The following CA8 variants were observed in gnomAD, a reference collection of about 807,000 sequenced individuals.
CA8 encodes carbonic anhydrase-related protein.
CA8 carries 22 observed loss-of-function variants against 41.4 expected under a neutral mutation model. The observed-to-expected ratio is 0.53, with a 90% CI of 0.38 to 0.76. CA8 has a LOEUF of 0.76. CA8 is among the 30% of genes least tolerant of loss of function. The pLI is 0.00. For missense variants in CA8, 270 were observed against 352.8 expected (o/e 0.77, Z 1.88); for synonymous variants, 121 against 130.6 (o/e 0.93, Z 0.50).
At chr8:60,201,382 G>T (rs1017576472) in intron 8 of CA8, among the ~76,000 whole-genome samples, 7 of 152,132 alleles carry the variant, frequency 4.6e-5, no homozygotes, top group Admixed American at 2.6e-4. Flanking sequence ...GAACCATGAG[G>T]ACTCCAACAT....
intron 7 of CA8, among the ~76,000 whole-genome samples, chr8:60,213,617 T>G (rs1319906326): frequency 2.6e-5 from 4 of 152,188 alleles, no homozygotes; most frequent in Non-Finnish European, 5.9e-5. Context: ...GAATACACAC[T>G]GCAAGGCAAA....
intron 8 of CA8, 30 bp downstream of exon 8, chr8:60,208,720 C>T: frequency 6.3e-6 from 10 of 1,593,406 alleles, no homozygotes; most frequent in Middle Eastern, 1.7e-4. Flanking sequence ...TAGCTGTGCA[C>T]CTCATTTTCC....
intron 3 of CA8, among the ~76,000 whole-genome samples, chr8:60,252,828 C>T (rs1007058987): frequency 1.1e-4 from 14 of 122,244 alleles, no homozygotes; most frequent in African/African-American, 6.1e-4. Flanking sequence ...TACAAATATT[C>T]CAAACTGTGA....
intron 8 of CA8, among the ~76,000 whole-genome samples, chr8:60,196,605 A>G (rs1198684664): frequency 6.6e-6 from 1 of 152,184 alleles, no homozygotes; most frequent in Non-Finnish European, 1.5e-5. Flanking sequence ...AAGATTCAAT[A>G]TTGTAAGGTA....
At chr8:60,193,308 A>G (rs1170021580) in intron 8 of CA8, among the ~76,000 whole-genome samples, 1 of 152,142 alleles carries the variant, frequency 6.6e-6, no homozygotes, top group Non-Finnish European at 1.5e-5. Context: ...AAGCTCATCT[A>G]GAACCTTCTC....
At chr8:60,262,579 G>A (rs1803768423) in intron 3 of CA8, among the ~76,000 whole-genome samples, 1 of 152,214 alleles carries the variant, frequency 6.6e-6, no homozygotes, top group Non-Finnish European at 1.5e-5. Context: ...GGTGCTGGGT[G>A]CAGTGGCACA....
At chr8:60,238,151 CA>C in intron 3 of CA8, among the ~76,000 whole-genome samples, 1 of 152,216 alleles carries the variant, frequency 6.6e-6, no homozygotes, top group South Asian at 2.1e-4. Context: ...TAAATTTGTC[CA>C]AAGTTAAGAA....
intron 8 of CA8, among the ~76,000 whole-genome samples, chr8:60,205,826 A>G (rs1034084795): frequency 2.0e-5 from 3 of 152,210 alleles, no homozygotes; most frequent in African/African-American, 7.2e-5. Context: ...GCTAAAATAT[A>G]TCTGAATTAT....
intron 8 of CA8, among the ~76,000 whole-genome samples, chr8:60,196,954 C>A (rs1387401388): frequency 6.6e-6 from 1 of 152,056 alleles, no homozygotes; most frequent in Non-Finnish European, 1.5e-5. Context: ...CAAGTATTTA[C>A]AGGACATGAT....
chr8:60,279,619 A>G, intron 2 of CA8, 70 bp downstream of exon 2: 1 of 1,308,726 alleles, frequency 7.6e-7, no homozygotes, highest in Non-Finnish European at 1.1e-6. Flanking sequence ...TGTGCAAGTT[A>G]AATCACAGTT....
intron 3 of CA8, among the ~76,000 whole-genome samples, chr8:60,261,903 G>A (rs1293834914): frequency 6.6e-6 from 1 of 152,044 alleles, no homozygotes; most frequent in Non-Finnish European, 1.5e-5. Context: ...GTAGAGACGG[G>A]GTTCCACCAT....
intron 2 of CA8, among the ~76,000 whole-genome samples, chr8:60,277,955 T>A (rs1804293572): frequency 6.6e-6 from 1 of 152,108 alleles, no homozygotes; most frequent in Admixed American, 6.5e-5. Context: ...AGTATCCAAA[T>A]CAGGCCTAGA....
intron 2 of CA8, among the ~76,000 whole-genome samples, chr8:60,277,370 T>G (rs78707470): frequency 6.6e-6 from 1 of 151,796 alleles, no homozygotes; most frequent in Non-Finnish European, 1.5e-5. Context: ...TTTTTTTTTT[T>G]GAGACGGAGT....
chr8:60,277,826 C>A (rs1053989629), intron 2 of CA8, among the ~76,000 whole-genome samples: 12 of 151,988 alleles, frequency 7.9e-5, no homozygotes, highest in South Asian at 2.1e-4. Flanking sequence ...CTTGAGTTTG[C>A]AGAAATATTG....
rs117556352 is a variant in CA8 at position 60,258,051 on chromosome 8, C to T, written c.417+7874G>A. Among the ~76,000 whole-genome samples, 59 of 152,290 alleles carry T rather than the reference C, an allele frequency of 3.9e-4. No individual in the cohort carries two copies. The East Asian group carries it at 8.7e-3, about 22-fold the overall frequency. ...TTCTGAGTAGTGTGATGAAATCGCA[C>T]GCCATGCTGCTACATCTCGCCCAGA... On this transcript the variant is annotated intron_variant, in intron 3 of 8. Transcript: ENST00000317995.
chr8:60,229,967 G>C (rs1807583478), intron 4 of CA8, among the ~76,000 whole-genome samples: 2 of 152,246 alleles, frequency 1.3e-5, no homozygotes, highest in South Asian at 4.1e-4. Context: ...ACCATACCCT[G>C]TCCTGTATGA....
chr8:60,277,393 G>A (rs1356346355), intron 2 of CA8, among the ~76,000 whole-genome samples: 4 of 151,336 alleles, frequency 2.6e-5, no homozygotes, highest in Admixed American at 6.6e-5. Context: ...TGCTTTTGTC[G>A]CCCAGGCTGG....
chr8:60,266,411 A>C (rs1174920753), intron 2 of CA8, among the ~76,000 whole-genome samples: 1 of 152,244 alleles, frequency 6.6e-6, no homozygotes, highest in Non-Finnish European at 1.5e-5. Context: ...TGACTCTCTG[A>C]CTGACCAATA....
chr8:60,203,822 TA>T (rs991815555), intron 8 of CA8, among the ~76,000 whole-genome samples: 2 of 152,070 alleles, frequency 1.3e-5, no homozygotes, highest in African/African-American at 4.8e-5. Context: ...ACCTAATTCA[TA>T]AAAAAAATTC....
Sources: gnomAD v4.1 joint callset for allele counts (sites outside exome capture counted in the v4.1 genomes callset) on GRCh38, gnomAD v4.1.1 for gene constraint, MANE v1.5 for transcripts, NCBI Gene and HGNC (gene_info 2026-07-23, HGNC 2026-07-21) for gene names.